The following HECW1 variants were observed in gnomAD, a reference collection of about 807,000 sequenced individuals.
HECW1 encodes E3 ubiquitin-protein ligase HECW1.
HECW1 carries 61 observed loss-of-function variants against 182.3 expected under a neutral mutation model. The ratio of observed to expected loss-of-function variants is 0.33; its 90% CI spans 0.27 to 0.41. The LOEUF is 0.41. Among genes scored for constraint, HECW1 ranks in the 10% least tolerant of loss-of-function variants. HECW1 has a pLI of 1.00. For missense variants in HECW1, 1,739 were observed against 2,108.9 expected (o/e 0.82, Z 3.44); for synonymous variants, 859 against 832.6 (o/e 1.03, Z -0.55).
At chr7:43,177,316 TTCCACAGTGAA>T (rs1208760897) in intron 2 of HECW1, among the ~76,000 whole-genome samples, 1 of 152,168 alleles carries the variant, frequency 6.6e-6, no homozygotes, top group Admixed American at 6.5e-5. Flanking sequence ...TGGTGGGGCC[TTCCACAGTGAA>T]TCTACCAGTA....
chr7:43,454,074 T>C (rs564830935), intron 12 of HECW1, among the ~76,000 whole-genome samples: 2 of 152,358 alleles, frequency 1.3e-5, no homozygotes, highest in Admixed American at 6.5e-5. Context: ...CCATGAGGAA[T>C]TGAAACATGT....
chr7:43,523,363 C>T (rs2080602202), intron 24 of HECW1, among the ~76,000 whole-genome samples: 1 of 152,166 alleles, frequency 6.6e-6, no homozygotes, highest in South Asian at 2.1e-4. Context: ...TTTCTAGGAG[C>T]TTGGCTTTGT....
chr7:43,521,736 G>A (rs62458259), intron 24 of HECW1, among the ~76,000 whole-genome samples: 18,867 of 152,178 alleles, frequency 0.12, 1,339 homozygotes, highest in Non-Finnish European at 0.17. Context: ...TTAGCCAGGC[G>A]TGGTGGCACA....
chr7:43,323,160 A>G (rs1235845969), intron 5 of HECW1, among the ~76,000 whole-genome samples: 2 of 152,220 alleles, frequency 1.3e-5, no homozygotes, highest in East Asian at 3.8e-4. Flanking sequence ...AAATTAATCC[A>G]GCCCTAGTGC....
chr7:43,519,240 C>A (rs910490709), intron 24 of HECW1, among the ~76,000 whole-genome samples: 1 of 151,846 alleles, frequency 6.6e-6, no homozygotes, highest in Non-Finnish European at 1.5e-5. Context: ...CAGTCTGACT[C>A]TAGAGTGCAG....
intron 11 of HECW1, among the ~76,000 whole-genome samples, chr7:43,445,949 A>G (rs2077041077): frequency 6.6e-6 from 1 of 152,262 alleles, no homozygotes; most frequent in African/African-American, 2.4e-5. Flanking sequence ...AAATCTATCT[A>G]CATTAAATGG....
At chr7:43,159,910 A>G (rs1790350501) in intron 2 of HECW1, among the ~76,000 whole-genome samples, 1 of 152,032 alleles carries the variant, frequency 6.6e-6, no homozygotes, top group Non-Finnish European at 1.5e-5. Context: ...CGATGTCCTG[A>G]CCTCGTGATC....
chr7:43,284,998 A>ATTT (rs55642652), intron 3 of HECW1, among the ~76,000 whole-genome samples: 9,615 of 145,386 alleles, frequency 0.066, 359 homozygotes, highest in South Asian at 0.11. Context: ...TTCTGTATGG[A>ATTT]TTTTTTTTTT....
chr7:43,191,480 C>A (rs1207127294), intron 2 of HECW1, among the ~76,000 whole-genome samples: 1 of 150,004 alleles, frequency 6.7e-6, no homozygotes, highest in Admixed American at 6.6e-5. Flanking sequence ...CGTGGCCCAG[C>A]TGTCACCATG....
chr7:43,205,341 CCAAA>C (rs1257545774), intron 2 of HECW1, among the ~76,000 whole-genome samples: 2 of 152,184 alleles, frequency 1.3e-5, no homozygotes, highest in Non-Finnish European at 2.9e-5. Flanking sequence ...CCTTGGCCTC[CCAAA>C]CAAACAATAA....
At chr7:43,333,134 G>A (rs1427427942) in intron 5 of HECW1, among the ~76,000 whole-genome samples, 1 of 152,200 alleles carries the variant, frequency 6.6e-6, no homozygotes, top group Non-Finnish European at 1.5e-5. Context: ...TTTGAAGTAG[G>A]AGTCATTCCT....
intron 3 of HECW1, among the ~76,000 whole-genome samples, chr7:43,287,521 G>A (rs1804804905): frequency 6.6e-6 from 1 of 152,146 alleles, no homozygotes; most frequent in Non-Finnish European, 1.5e-5. Flanking sequence ...TTCTTTGTTT[G>A]GAGACAGGGT....
At chr7:43,447,549 C>T (rs1177224091) in intron 11 of HECW1, among the ~76,000 whole-genome samples, 3 of 152,130 alleles carry the variant, frequency 2.0e-5, no homozygotes, top group Admixed American at 6.5e-5. Flanking sequence ...AAAAGATTCC[C>T]GAGGGGTCTC....
rs186780346 is a variant in HECW1, at chr7:43,549,471, G to A, written c.4249-974G>A. On this transcript the variant is annotated intron_variant, in intron 26 of 29. Transcript: ENST00000395891. ...CCAGTGATGCCTCATTTGTCTTGCAGCATTGAGCATTGCAGTGAGCCCTTA... is the reference window on the plus strand; with the variant it reads ...CCAGTGATGCCTCATTTGTCTTGCAACATTGAGCATTGCAGTGAGCCCTTA... Among the ~76,000 whole-genome samples, 500 of 152,268 alleles carry A rather than the reference G, an allele frequency of 3.3e-3. 2 individuals carry two copies. The highest frequency in any genetic ancestry group is 0.017 in the Middle Eastern group (5 of 294).
intron 12 of HECW1, among the ~76,000 whole-genome samples, chr7:43,455,319 C>T (rs1023366204): frequency 4.6e-5 from 7 of 152,260 alleles, no homozygotes; most frequent in African/African-American, 1.4e-4. Context: ...CTTATCAAAA[C>T]GCTGTTTTGA....
chr7:43,123,334 T>G (rs943220667), intron 2 of HECW1, among the ~76,000 whole-genome samples: 1 of 152,192 alleles, frequency 6.6e-6, no homozygotes. Flanking sequence ...CATTCTTGGC[T>G]TAAACTTAAT....
Position 43,342,239 on chromosome 7 carries a change from G to A in HECW1, c.461-18647G>A, listed in dbSNP as rs149816170. ...TTACACTTAGAGTGGAATCATCAAT[G>A]TTAGATGCCTCGTCAATGAACATTA... is the stretch of plus-strand genomic sequence containing the variant. On this transcript the variant is annotated intron_variant, in intron 5 of 29. Coordinates refer to ENST00000395891, the MANE Select transcript of HECW1 (RefSeq NM_015052.5). 6.8e-4 allele frequency among the ~76,000 whole-genome samples: 103 copies of A among 151,888 alleles called. 1 individual carries two copies. In the East Asian group the frequency reaches 0.016, roughly 24 times the overall value.
chr7:43,134,393 C>CAAA (rs35414360), intron 2 of HECW1, among the ~76,000 whole-genome samples: 1,397 of 87,340 alleles, frequency 0.016, 65 homozygotes, highest in African/African-American at 0.024. Context: ...GACTCTGTCT[C>CAAA]AAAAAAAAAA....
At chr7:43,210,986 G>A (rs539257043) in intron 2 of HECW1, among the ~76,000 whole-genome samples, 56 of 152,356 alleles carry the variant, frequency 3.7e-4, no homozygotes, top group African/African-American at 1.3e-3. Context: ...GAGGGTAGCC[G>A]ATGCCGGCTG....
Sources: gnomAD v4.1 joint callset for allele counts (sites outside exome capture counted in the v4.1 genomes callset) on GRCh38, gnomAD v4.1.1 for gene constraint, MANE v1.5 for transcripts, NCBI Gene and HGNC (gene_info 2026-07-23, HGNC 2026-07-21) for gene names.